TMEM132C: variants seen among roughly 807,000 people sequenced by gnomAD.
TMEM132C encodes the protein protein phosphatase 1, regulatory subunit 152.
Under a neutral mutation model 61.4 loss-of-function variants are expected in TMEM132C, and 29 were observed. The observed-to-expected ratio is 0.47, with a 90% CI of 0.35 to 0.64. TMEM132C has a LOEUF of 0.64. TMEM132C is among the 30% of genes least tolerant of loss of function. The pLI is 0.00. For synonymous variants in TMEM132C, 656 were observed against 633.1 expected (o/e 1.04, Z -0.54); for missense variants, 1,408 against 1,476.9 (o/e 0.95, Z 0.76).
chr12:128,370,636 C>G lies in TMEM132C; in HGVS notation c.86-44096C>G, dbSNP rs368613258. Among the ~76,000 whole-genome samples the G allele has an allele frequency of 3.9e-5, 6 of 151,916 alleles. 1 individual carries two copies. In the East Asian group the frequency reaches 7.8e-4, roughly 20 times the overall value. On this transcript the variant is annotated intron_variant, in intron 1 of 8. Transcript: ENST00000435159. The stretch of plus-strand genomic sequence containing the variant: ...AGAAAAGGGGGAACTTGGAAAGGCA[C>G]CCTGACCTCTCTCCTCCAACCTTCT...
At chr12:128,629,365 T>A (rs1593126355) in intron 4 of TMEM132C, among the ~76,000 whole-genome samples, 1 of 152,110 alleles carries the variant, frequency 6.6e-6, no homozygotes, top group East Asian at 1.9e-4. Context: ...AAAAATTTTT[T>A]AAAAATGAGG....
At chr12:128,628,497 C>T (rs77820658) in intron 4 of TMEM132C, among the ~76,000 whole-genome samples, 5,572 of 152,260 alleles carry the variant, frequency 0.037, 142 homozygotes, top group Non-Finnish European at 0.057. Context: ...AAATAACAGC[C>T]GGCCACTCTA....
At chr12:128,448,383 A>G (rs1184090076) in intron 2 of TMEM132C, among the ~76,000 whole-genome samples, 5 of 152,078 alleles carry the variant, frequency 3.3e-5, no homozygotes, top group Non-Finnish European at 5.9e-5. Flanking sequence ...GGGCTCACTC[A>G]TTTGTCTGAG....
intron 2 of TMEM132C, among the ~76,000 whole-genome samples, chr12:128,515,830 G>A (rs868148805): frequency 1.2e-4 from 18 of 147,606 alleles, no homozygotes; most frequent in East Asian, 5.9e-4. Context: ...GCGAGACTCC[G>A]TCTCAAAAAA....
chr12:128,627,569 A>G (rs534627847), intron 4 of TMEM132C, among the ~76,000 whole-genome samples: 7 of 152,202 alleles, frequency 4.6e-5, no homozygotes, highest in African/African-American at 1.2e-4. Context: ...GTGCCACTCT[A>G]GGGAAACAGC....
At position 128,328,892 on chromosome 12, in the gene TMEM132C, G is replaced by A. The variant is rs372509096; in HGVS notation, c.85+61405G>A. Among the ~76,000 whole-genome samples, 6 of 152,052 alleles carry A rather than the reference G, an allele frequency of 3.9e-5. No homozygotes were observed. The South Asian group carries it at 6.2e-4, about 16-fold the overall frequency. ...CAGTTATAAAGTAGCTAAGGTTGTCGGACTCTGGCTTAAGATTTGGATAAC... is the reference window on the plus strand; with the variant it reads ...CAGTTATAAAGTAGCTAAGGTTGTCAGACTCTGGCTTAAGATTTGGATAAC... On this transcript the variant is annotated intron_variant, in intron 1 of 8. Coordinates refer to ENST00000435159, the MANE Select transcript of TMEM132C (RefSeq NM_001136103.3).
intron 4 of TMEM132C, among the ~76,000 whole-genome samples, chr12:128,637,057 G>A (rs2135596985): frequency 6.6e-6 from 1 of 152,274 alleles, no homozygotes; most frequent in Non-Finnish European, 1.5e-5. Context: ...GAGTAACCCA[G>A]CAATAAATAT....
chr12:128,620,232 CAAAAAAAAA>C (rs386378194), intron 4 of TMEM132C, among the ~76,000 whole-genome samples: 1 of 61,994 alleles, frequency 1.6e-5, no homozygotes. Context: ...GACCCTGTCT[CAAAAAAAAA>C]AAAAAAAAAA....
At chr12:128,429,659 A>G (rs574560647) in intron 2 of TMEM132C, among the ~76,000 whole-genome samples, 87 of 152,312 alleles carry the variant, frequency 5.7e-4, no homozygotes, top group South Asian at 1.2e-3. Context: ...GTTAGCCTAT[A>G]CTTTGTAATA....
At chr12:128,685,319 G>A (rs1049366123) in intron 5 of TMEM132C, among the ~76,000 whole-genome samples, 2 of 152,210 alleles carry the variant, frequency 1.3e-5, no homozygotes, top group East Asian at 3.9e-4. Flanking sequence ...CAACTCCAGC[G>A]TTTGGTTGTT....
intron 3 of TMEM132C, among the ~76,000 whole-genome samples, chr12:128,575,373 G>A (rs1875052329): frequency 6.6e-6 from 1 of 152,174 alleles, no homozygotes; most frequent in Non-Finnish European, 1.5e-5. Flanking sequence ...CAGCTACTGG[G>A]GAGACTGAGG....
intron 1 of TMEM132C, among the ~76,000 whole-genome samples, chr12:128,286,383 T>A (rs1466505272): frequency 2.0e-5 from 3 of 152,176 alleles, no homozygotes; most frequent in Non-Finnish European, 4.4e-5. Flanking sequence ...TTGATTGGGC[T>A]ATGATGAACG....
chr12:128,620,370 A>T (rs929866651), intron 4 of TMEM132C, among the ~76,000 whole-genome samples: 1 of 152,044 alleles, frequency 6.6e-6, no homozygotes, highest in African/African-American at 2.4e-5. Flanking sequence ...CTGCAGGTAT[A>T]CTCTAGTGGA....
At chr12:128,530,581 T>C (rs999561351) in intron 2 of TMEM132C, among the ~76,000 whole-genome samples, 3 of 152,134 alleles carry the variant, frequency 2.0e-5, no homozygotes, top group Non-Finnish European at 2.9e-5. Context: ...GTAGCTGGGA[T>C]TACAAGCATG....
In TMEM132C at chr12:128,542,604, G is replaced by C. The variant is rs969162586; in HGVS notation, c.975-1353G>C. On this transcript the variant is annotated intron_variant, in intron 2 of 8. Transcript: ENST00000435159. ...TGGCCGGACGCAGTGGCTGACACCT[G>C]TAATCCCAGCACTTTAGGAGGCCAA... Among the ~76,000 whole-genome samples, 2 of 152,100 alleles carry C rather than the reference G, an allele frequency of 1.3e-5. 1 individual carries two copies. The highest frequency in any genetic ancestry group is 2.9e-5 in the Non-Finnish European group (2 of 68,012).
intron 4 of TMEM132C, among the ~76,000 whole-genome samples, chr12:128,650,226 G>A (rs1220897474): frequency 6.6e-6 from 1 of 152,150 alleles, no homozygotes; most frequent in Non-Finnish European, 1.5e-5. Flanking sequence ...AGTTAACACA[G>A]TTCTCCACAG....
intron 1 of TMEM132C, among the ~76,000 whole-genome samples, chr12:128,308,035 G>C (rs1871841440): frequency 6.6e-6 from 1 of 152,216 alleles, no homozygotes; most frequent in Non-Finnish European, 1.5e-5. Context: ...GCCATTCAGA[G>C]GCAAGGAATG....
At chr12:128,516,339 G>A (rs534562288) in intron 2 of TMEM132C, among the ~76,000 whole-genome samples, 35 of 152,244 alleles carry the variant, frequency 2.3e-4, no homozygotes, top group East Asian at 1.7e-3. Context: ...TCTCACGTGC[G>A]TTAGGCTGGG....
intron 1 of TMEM132C, among the ~76,000 whole-genome samples, chr12:128,348,326 T>A (rs1481886660): frequency 1.3e-5 from 2 of 152,240 alleles, no homozygotes; most frequent in East Asian, 3.8e-4. Context: ...GTAATTTTTC[T>A]TTATGGATTC....
Sources: allele counts gnomAD v4.1 joint callset (sites outside exome capture counted in the v4.1 genomes callset), GRCh38; gene constraint gnomAD v4.1.1; transcripts MANE v1.5; gene names NCBI Gene and HGNC (gene_info 2026-07-23, HGNC 2026-07-21).